Variants in ASB14 observed in about 807,000 individuals in gnomAD.
The protein encoded by ASB14 is ankyrin repeat and SOCS box containing 14, also known as ankyrin repeat and SOCS box protein 14.
In ASB14, 63 loss-of-function variants were observed where a neutral mutation model predicts 55.6. That is an observed-to-expected ratio of 1.13 (90% CI 0.92 to 1.40). The LOEUF is 1.40. Among genes scored for constraint, ASB14 ranks in the 40% most tolerant of loss-of-function variants. The pLI is 0.00. For synonymous variants in ASB14, 256 were observed against 259.9 expected (o/e 0.98, Z 0.15); for missense variants, 724 against 710.4 (o/e 1.02, Z -0.22).
intron 10 of ASB14, among the ~76,000 whole-genome samples, chr3:57,274,076 A>C (rs2060967695): frequency 6.6e-6 from 1 of 152,180 alleles, no homozygotes; most frequent in Admixed American, 6.5e-5. Context: ...CAGCTATATA[A>C]ATTTTTTAAT....
chr3:57,284,769 A>G (rs949481673), intron 5 of ASB14, among the ~76,000 whole-genome samples: 8 of 152,176 alleles, frequency 5.3e-5, no homozygotes, highest in African/African-American at 1.9e-4. Context: ...TCTTTTCACT[A>G]TACAGTGCTA....
intron 10 of ASB14, among the ~76,000 whole-genome samples, chr3:57,274,782 G>A (rs1343711350): frequency 2.0e-5 from 3 of 152,082 alleles, no homozygotes; most frequent in Non-Finnish European, 2.9e-5. Context: ...TCCATTATCA[G>A]GCTAGGTTCA....
intron 10 of ASB14, among the ~76,000 whole-genome samples, chr3:57,273,625 A>AAAG (rs1304024553): frequency 2.6e-5 from 4 of 152,186 alleles, no homozygotes; most frequent in African/African-American, 9.6e-5. Flanking sequence ...TTTATTGGGA[A>AAAG]AAGTTTGTTA....
chr3:57,287,799 G>C lies in ASB14; in HGVS notation c.469+102C>G, dbSNP rs928629947. The C allele has an allele frequency of 2.4e-6, 3 of 1,263,182 alleles. No homozygotes were observed. The African/African-American group carries it at 4.5e-5, about 19-fold the overall frequency. 78.2% of individuals were successfully genotyped at this position (1,263,182 alleles called of 1,614,324 possible). A position where few individuals can be genotyped will look rare whatever the true frequency, so the allele number is the denominator to read the frequency against. On this transcript the variant is annotated intron_variant, in intron 5 of 10. Coordinates refer to ENST00000487349, the MANE Select transcript of ASB14 (RefSeq NM_001142733.3). ...CCATGTCTGGTCAGTTGGGAACAGA[G>C]TGACAGTGCTGCAACTATGCATAAA... is the stretch of plus-strand genomic sequence containing the variant.
Position 57,291,919 on chromosome 3 carries a change from C to A in ASB14, c.115G>T (p.Asp39Tyr). 2 of 1,534,148 alleles carry A rather than the reference C, an allele frequency of 1.3e-6. No individual in the cohort carries two copies. The highest frequency in any genetic ancestry group is 1.2e-5 in the South Asian group (1 of 83,912). Residue 39 changes from aspartate (D) to tyrosine (Y), a missense_variant, in exon 2 of 11, where the codon GAT (aspartate) becomes TAT (tyrosine). Transcript: ENST00000487349. ...KPGTAQHAPK[D>Y]ESLHSFLSAD... ...CGATGAGAAAACCATTACCTCTCAT[C>A]CTTAGGTGCATGTTGTGCTGTTCCT...
Position 57,280,474 on chromosome 3 carries a change from C to T in ASB14, c.736-21G>A, listed in dbSNP as rs555952121. On this transcript the variant is annotated intron_variant, in intron 7 of 11. Transcript: ENST00000389601. ...GAGGCCTGACCATGAGCATTAGCTCCTAAGAGGAGAAAGACTCTTGTTAAT... is the reference window on the plus strand; with the variant it reads ...GAGGCCTGACCATGAGCATTAGCTCTTAAGAGGAGAAAGACTCTTGTTAAT... 1.0e-5 allele frequency: 16 copies of T among 1,546,966 alleles called. No individual in the cohort carries two copies. The highest frequency in any genetic ancestry group is 1.4e-5 in the Non-Finnish European group (16 of 1,143,870).
chr3:57,278,342 A>G, intron 8 of ASB14, 35 bp downstream of exon 8: 1 of 1,533,166 alleles, frequency 6.5e-7, no homozygotes, highest in Non-Finnish European at 9.0e-7. Context: ...ACAAATAATG[A>G]CTGTAAGGGA....
Position 57,269,601 on chromosome 3 carries a change from G to A in ASB14, c.*40C>T. The stretch of plus-strand genomic sequence containing the variant: ...CAGTAGACCAAACCAAGCCAGTAGT[G>A]AGGGGCAGTTTGTTGTCCTTAGCAG... On this transcript the variant is annotated 3_prime_UTR_variant, in exon 11 of 11. Coordinates refer to ENST00000487349, the MANE Select transcript of ASB14 (RefSeq NM_001142733.3). The A allele has an allele frequency of 6.2e-7, 1 of 1,614,138 alleles. No homozygotes were observed. The highest frequency in any genetic ancestry group is 1.1e-5 in the South Asian group (1 of 91,072).
In ASB14 at chr3:57,289,141, CAT is replaced by C; in HGVS notation, c.123-20_123-19del. ...AATGCAAACTGCAAAGAAAAAAATA[CAT>C]ATGTAATTCCAAAACTGAGGAGAAA... On this transcript the variant is annotated intron_variant, in intron 2 of 10. Coordinates refer to ENST00000487349, the MANE Select transcript of ASB14 (RefSeq NM_001142733.3). The C allele has an allele frequency of 4.7e-6, 7 of 1,496,576 alleles. 1 individual carries two copies. The South Asian group carries it at 8.4e-5, about 18-fold the overall frequency. 92.7% of individuals were successfully genotyped at this position (1,496,576 alleles called of 1,614,324 possible).
At chr3:57,272,253 T>TCTAC (rs1264373401) in intron 10 of ASB14, 2 of 152,208 alleles carry the variant, frequency 1.3e-5, no homozygotes, top group Non-Finnish European at 2.9e-5. Context: ...AGTTATTCCT[T>TCTAC]CTACCTTTAA....
intron 6 of ASB14, among the ~76,000 whole-genome samples, chr3:57,281,258 T>C (rs1478538227): frequency 2.0e-5 from 3 of 151,762 alleles, no homozygotes; most frequent in Non-Finnish European, 4.4e-5. Context: ...ACCCTGTATG[T>C]TAAGTGTTAT....
chr3:57,271,142 C>T (rs1046545), intron 10 of ASB14: 27,414 of 150,610 alleles, frequency 0.18, 2,740 homozygotes, highest in African/African-American at 0.25. Context: ...CTTTTTTTTT[C>T]TTTGATATAC....
In ASB14 at chr3:57,269,342, G is replaced by T; in HGVS notation, c.*299C>A. The stretch of plus-strand genomic sequence containing the variant: ...TAAAATATTAGATTTTAGTTTGAAT[G>T]CTGGCTTTTATAGGATGGTGCCAAA... On this transcript the variant is annotated 3_prime_UTR_variant, in exon 11 of 11. Coordinates refer to ENST00000487349, the MANE Select transcript of ASB14 (RefSeq NM_001142733.3). 6.1e-6 allele frequency: 3 copies of T among 491,984 alleles called. No individual in the cohort carries two copies. The highest frequency in any genetic ancestry group is 7.1e-6 in the Non-Finnish European group (2 of 282,052). The allele number at this position is 491,984 out of a possible 1,614,324, so 30.5% of individuals were successfully genotyped here.
chr3:57,292,682 T>G lies in ASB14; in HGVS notation c.-121A>C, dbSNP rs1040441187. On this transcript the variant is annotated 5_prime_UTR_variant, in exon 1 of 11. Transcript: ENST00000487349. ...CAGTGAAGTTTTCACTGTTAAGGAC[T>G]AACACATGTAAGCCTCAGAATTTTC... The G allele has an allele frequency of 6.6e-6, 1 of 152,246 alleles. No individual in the cohort carries two copies. The highest frequency in any genetic ancestry group is 2.4e-5 in the African/African-American group (1 of 41,450). The allele number at this position is 152,246 out of a possible 1,614,324, so 9.4% of individuals were successfully genotyped here. A position where few individuals can be genotyped will look rare whatever the true frequency, so the allele number is the denominator to read the frequency against.
intron 10 of ASB14, among the ~76,000 whole-genome samples, chr3:57,275,924 A>G (rs1423799876): frequency 1.3e-5 from 2 of 152,242 alleles, no homozygotes; most frequent in Non-Finnish European, 2.9e-5. Flanking sequence ...ATGTAGTCCA[A>G]TGATGACTGA....
chr3:57,286,577 C>A (rs977896890), intron 5 of ASB14, among the ~76,000 whole-genome samples: 1 of 152,122 alleles, frequency 6.6e-6, no homozygotes, highest in East Asian at 1.9e-4. Flanking sequence ...CAAATGTGTA[C>A]GAGGAGCCTT....
In ASB14 at chr3:57,278,543, T is replaced by C; in HGVS notation, c.1265A>G (p.His422Arg). The change falls in exon 8 of 11, where the codon CAT (histidine) becomes CGT (arginine). Residue 422 changes from histidine (H) to arginine (R), a missense_variant. Transcript: ENST00000487349. Reference protein sequence around the residue: ...VNYFCRVNPLHFPSALQYTLK... With the variant: ...VNYFCRVNPLRFPSALQYTLK... The stretch of plus-strand genomic sequence containing the variant: ...AGTGTATTGCAGTGCTGATGGGAAA[T>C]GTAAAGGGTTAACTCTGCAGAAGTA... 1.2e-6 allele frequency: 2 copies of C among 1,614,154 alleles called. No individual in the cohort carries two copies. Among genetic ancestry groups the C allele is most frequent in the African/African-American group, 1.3e-5 (1 of 75,034 alleles).
At position 57,277,845 on chromosome 3, in the gene ASB14, C is replaced by G; in HGVS notation, c.1507G>C (p.Asp503His). 6.2e-7 allele frequency: 1 copy of G among 1,613,612 alleles called. No individual in the cohort carries two copies. Among genetic ancestry groups the G allele is most frequent in the Non-Finnish European group, 8.5e-7 (1 of 1,179,580 alleles). ...AACTTTGAACAGATCCGAACTTGATCAACATAATCAAGCATCACTCGAACA... is the reference window on the plus strand; with the variant it reads ...AACTTTGAACAGATCCGAACTTGATGAACATAATCAAGCATCACTCGAACA... ...KVVRVMLDYV[D>H]QVRICSKLKA... The change falls in exon 9 of 11, where the codon GAT becomes CAT. Residue 503 changes from aspartate to histidine, a missense_variant. Coordinates refer to ENST00000487349, the MANE Select transcript of ASB14 (RefSeq NM_001142733.3).
Position 57,268,452 on chromosome 3 carries a change from CAGAA to C in ASB14, c.*1185_*1188del. ...AATAGAGAGAGTAAAAGAGAAGCAA[CAGAA>C]AGAACTCAATAAACAAAAACAGATT... On this transcript the variant is annotated 3_prime_UTR_variant, in exon 11 of 11. Transcript: ENST00000487349. The C allele has an allele frequency of 6.2e-7, 1 of 1,604,674 alleles. No individual in the cohort carries two copies. The highest frequency in any genetic ancestry group is 8.5e-7 in the Non-Finnish European group (1 of 1,175,134).
Sources: allele counts gnomAD v4.1 joint callset (sites outside exome capture counted in the v4.1 genomes callset), GRCh38; gene constraint gnomAD v4.1.1; transcripts MANE v1.5; gene names NCBI Gene and HGNC (gene_info 2026-07-23, HGNC 2026-07-21).